The following RTN4IP1 variants were observed in gnomAD, a reference collection of about 807,000 sequenced individuals.
The protein encoded by RTN4IP1 is reticulon 4 interacting protein 1, also known as NAD(P)H oxidoreductase RTN4IP1, mitochondrial.
A neutral mutation model predicts 46.6 loss-of-function variants in RTN4IP1; 32 were observed. The ratio of observed to expected loss-of-function variants is 0.69; its 90% CI spans 0.52 to 0.92. The LOEUF (loss-of-function observed/expected upper bound fraction) is 0.92, where lower values mean the gene tolerates loss of function less well. Among genes scored for constraint, RTN4IP1 ranks in the 40% least tolerant of loss-of-function variants. The pLI is 0.00. For synonymous variants in RTN4IP1, 167 were observed against 161.8 expected (o/e 1.03, Z -0.24); for missense variants, 424 against 485.8 (o/e 0.87, Z 1.20).
At chr6:106,575,933 T>G (rs1472025601) in intron 8 of RTN4IP1, among the ~76,000 whole-genome samples, 2 of 152,104 alleles carry the variant, frequency 1.3e-5, no homozygotes, top group Non-Finnish European at 1.5e-5. Context: ...GGGTGAGGTG[T>G]GTGAGGGGAC....
At position 106,592,330 on chromosome 6, in the gene RTN4IP1, A is replaced by T. The variant is rs1335706915; in HGVS notation, c.670-30T>A. ...CCCCCACCAAAAAGAAAAAAAGAAT[A>T]AAAAAGGGAGAGATTAGAAAAACTG... On this transcript the variant is annotated intron_variant, in intron 5 of 8. Transcript: ENST00000369063. The T allele has an allele frequency of 3.1e-6, 5 of 1,604,384 alleles. No individual in the cohort carries two copies. In the South Asian group the frequency reaches 4.5e-5, roughly 14 times the overall value.
chr6:106,616,790 G>A lies in RTN4IP1; in HGVS notation c.620+2412C>T, dbSNP rs147429269. Among the ~76,000 whole-genome samples, 735 of 152,302 alleles carry A rather than the reference G, an allele frequency of 4.8e-3. 9 individuals are homozygous for A. Among genetic ancestry groups the A allele is most frequent in the African/African-American group, 0.017 (694 of 41,566 alleles). ...CTCATGTGACTCTCACAAATAAGCA[G>A]TTAAAAGAGGTAGGCCATTATTATA... On this transcript the variant is annotated intron_variant, in intron 4 of 8. Coordinates refer to ENST00000369063, the MANE Select transcript of RTN4IP1 (RefSeq NM_032730.5).
chr6:106,626,617 T>G (rs1406741615), intron 1 of RTN4IP1, among the ~76,000 whole-genome samples: 2 of 152,158 alleles, frequency 1.3e-5, no homozygotes, highest in African/African-American at 4.8e-5. Context: ...TGCTAATACA[T>G]CAACTGAGTA....
intron 1 of RTN4IP1, among the ~76,000 whole-genome samples, chr6:106,623,919 C>A (rs1776562001): frequency 6.6e-6 from 1 of 152,144 alleles, no homozygotes; most frequent in African/African-American, 2.4e-5. Context: ...CAACAGTTTA[C>A]CAGTAATGAT....
At chr6:106,615,416 A>C (rs1375315528) in intron 4 of RTN4IP1, among the ~76,000 whole-genome samples, 3 of 152,158 alleles carry the variant, frequency 2.0e-5, no homozygotes, top group Non-Finnish European at 4.4e-5. Flanking sequence ...ATCAAAAAAA[A>C]AGTATTCCTA....
At chr6:106,606,492 A>G (rs1281993587) in intron 4 of RTN4IP1, among the ~76,000 whole-genome samples, 2 of 152,168 alleles carry the variant, frequency 1.3e-5, no homozygotes, top group Admixed American at 1.3e-4. Flanking sequence ...ATATACCAAC[A>G]ATGAACTAGC....
intron 4 of RTN4IP1, among the ~76,000 whole-genome samples, chr6:106,612,961 T>C (rs9386574): frequency 0.71 from 107,498 of 152,056 alleles, 39,310 homozygotes; most frequent in Non-Finnish European, 0.81. Context: ...CCCTTCTATA[T>C]AGAAGTAACT....
At chr6:106,620,173 C>G (rs1776453099) in intron 3 of RTN4IP1, among the ~76,000 whole-genome samples, 3 of 152,034 alleles carry the variant, frequency 2.0e-5, no homozygotes, top group African/African-American at 7.2e-5. Context: ...ACTGCAACCT[C>G]TGCTCACTGC....
chr6:106,604,686 T>C (rs575887784), intron 4 of RTN4IP1, among the ~76,000 whole-genome samples: 2 of 152,152 alleles, frequency 1.3e-5, no homozygotes, highest in Non-Finnish European at 2.9e-5. Flanking sequence ...ATGAATTTTG[T>C]CCTAGGCTAC....
chr6:106,577,174 C>T (rs1175022702), intron 8 of RTN4IP1, among the ~76,000 whole-genome samples: 1 of 152,058 alleles, frequency 6.6e-6, no homozygotes, highest in Non-Finnish European at 1.5e-5. Context: ...GTGGCTCACA[C>T]CTATAATCTT....
At chr6:106,574,670 T>A (rs1292048640) in intron 8 of RTN4IP1, among the ~76,000 whole-genome samples, 1 of 152,202 alleles carries the variant, frequency 6.6e-6, no homozygotes, top group East Asian at 1.9e-4. Flanking sequence ...GTATGCACCC[T>A]AAAGTGGGAC....
At chr6:106,583,473 T>C in intron 7 of RTN4IP1, 53 bp from the exon 8 acceptor site, 2 of 1,432,030 alleles carry the variant, frequency 1.4e-6, no homozygotes, top group Non-Finnish European at 1.9e-6. Flanking sequence ...AAAATCTGAC[T>C]AAATGCAGAT....
At chr6:106,592,910 C>G (rs570721644) in intron 5 of RTN4IP1, among the ~76,000 whole-genome samples, 35 of 148,300 alleles carry the variant, frequency 2.4e-4, no homozygotes, top group African/African-American at 7.7e-4. Context: ...GCCTGGGGTA[C>G]AAGAGTGAGA....
At chr6:106,581,659 C>T (rs991167065) in intron 8 of RTN4IP1, among the ~76,000 whole-genome samples, 2 of 152,208 alleles carry the variant, frequency 1.3e-5, no homozygotes, top group Non-Finnish European at 2.9e-5. Flanking sequence ...TTGGAGAATA[C>T]TTCAAGGACA....
Position 106,625,666 on chromosome 6 carries a change from T to TC in RTN4IP1, c.275-2698_275-2697insG, listed in dbSNP as rs1296699039. On this transcript the variant is annotated intron_variant, in intron 1 of 8. Transcript: ENST00000369063. ...GTGGCTTTTTTCTTTTTTTTCTTTT[T>TC]TTTTTTTTTTTTTTTGAGACAGAGT... Among the ~76,000 whole-genome samples, 10 of 124,906 alleles carry TC rather than the reference T, an allele frequency of 8.0e-5. No homozygotes were observed. The East Asian group carries it at 9.2e-4, about 11-fold the overall frequency. The allele number at this position is 124,906 out of a possible 152,430, so 81.9% of individuals were successfully genotyped here. A position where few individuals can be genotyped will look rare whatever the true frequency, so the allele number is the denominator to read the frequency against.
In RTN4IP1 at chr6:106,629,492, G is replaced by A; in HGVS notation, c.-471C>T. On this transcript the variant is annotated 5_prime_UTR_variant, in exon 1 of 9. Coordinates refer to ENST00000369063, the MANE Select transcript of RTN4IP1 (RefSeq NM_032730.5). The stretch of plus-strand genomic sequence containing the variant: ...CCCGCTCTCCTTAGCCGCCGGGATG[G>A]CTTTGCGGCGCCAACCAATCGCCTA... The A allele has an allele frequency of 1.3e-6, 1 of 761,414 alleles. No individual in the cohort carries two copies. Among genetic ancestry groups the A allele is most frequent in the South Asian group, 1.9e-5 (1 of 52,740 alleles). 47.2% of individuals were successfully genotyped at this position (761,414 alleles called of 1,614,324 possible).
chr6:106,623,050 C>A lies in RTN4IP1; in HGVS notation c.275-81G>T, dbSNP rs910181578. The A allele has an allele frequency of 2.0e-5, 27 of 1,347,254 alleles. No individual in the cohort carries two copies. The African/African-American group carries it at 3.5e-4, about 17-fold the overall frequency. The allele number at this position is 1,347,254 out of a possible 1,614,324, so 83.5% of individuals were successfully genotyped here. A position where few individuals can be genotyped will look rare whatever the true frequency, so the allele number is the denominator to read the frequency against. On this transcript the variant is annotated intron_variant, in intron 1 of 8. Coordinates refer to ENST00000369063, the MANE Select transcript of RTN4IP1 (RefSeq NM_032730.5). ...ACTACTACAGGGTTATAGTCCAGTA[C>A]AATTTTAGGTCTTCAAGATGTAGAT...
intron 6 of RTN4IP1, 21 bp from the exon 7 acceptor site, chr6:106,587,883 C>T (rs1004897915): frequency 1.3e-6 from 2 of 1,597,100 alleles, no homozygotes; most frequent in African/African-American, 2.7e-5. Context: ...AGAACCAAAT[C>T]AAAACATGGT....
intron 4 of RTN4IP1, among the ~76,000 whole-genome samples, chr6:106,610,360 G>C (rs984429271): frequency 1.3e-5 from 2 of 151,970 alleles, no homozygotes; most frequent in African/African-American, 2.4e-5. Flanking sequence ...CACCGCACCC[G>C]GCGGCAAAAT....
Sources: gnomAD v4.1 joint callset for allele counts (sites outside exome capture counted in the v4.1 genomes callset) on GRCh38, gnomAD v4.1.1 for gene constraint, MANE v1.5 for transcripts, NCBI Gene and HGNC (gene_info 2026-07-23, HGNC 2026-07-21) for gene names.